Variants in RNLS observed in about 807,000 individuals in gnomAD.
RNLS encodes the protein renalase.
A neutral mutation model predicts 39.8 loss-of-function variants in RNLS; 39 were observed. The observed-to-expected ratio is 0.98, with a 90% confidence interval of 0.76 to 1.28. RNLS has a LOEUF of 1.28. RNLS is among the 50% of genes most tolerant of loss of function. The pLI, the probability that RNLS is intolerant of heterozygous loss-of-function variation, is 0.00. For synonymous variants in RNLS, 147 were observed against 150.7 expected (o/e 0.98, Z 0.18); for missense variants, 410 against 413.3 (o/e 0.99, Z 0.07).
intron 4 of RNLS, among the ~76,000 whole-genome samples, chr10:88,435,677 A>G (rs540694111): frequency 4.0e-4 from 61 of 152,278 alleles, no homozygotes; most frequent in African/African-American, 1.4e-3. Context: ...AAAGGGACAC[A>G]GCTGCAGGGC....
At chr10:88,227,441 G>A in the RNLS span, among the ~76,000 whole-genome samples, 2 of 152,182 alleles carry the variant, frequency 1.3e-5, no homozygotes, top group African/African-American at 2.4e-5. Flanking sequence ...CTATGGTAGC[G>A]ATGAACCCAG....
At chr10:88,516,600 T>C (rs2134176568) in intron 4 of RNLS, among the ~76,000 whole-genome samples, 1 of 152,134 alleles carries the variant, frequency 6.6e-6, no homozygotes, top group Middle Eastern at 3.4e-3. Flanking sequence ...AAGAAGTCCC[T>C]AAAATTTCTA....
chr10:88,264,493 A>AT, the RNLS span, among the ~76,000 whole-genome samples: 14,029 of 151,932 alleles, frequency 0.092, 864 homozygotes, highest in East Asian at 0.21. Context: ...TTATTTTTTG[A>AT]TTTTTTGATT....
chr10:88,209,837 C>T, the RNLS span, among the ~76,000 whole-genome samples: 1 of 152,210 alleles, frequency 6.6e-6, no homozygotes, highest in Non-Finnish European at 1.5e-5. Context: ...TATGCATTAT[C>T]TCATTGATCC....
At chr10:88,459,890 A>G (rs1024059113) in intron 4 of RNLS, among the ~76,000 whole-genome samples, 5 of 152,210 alleles carry the variant, frequency 3.3e-5, no homozygotes, top group Non-Finnish European at 4.4e-5. Flanking sequence ...TGAATTCCCT[A>G]CAATTCACAG....
intron 4 of RNLS, among the ~76,000 whole-genome samples, chr10:88,558,557 A>G (rs149459674): frequency 6.6e-5 from 10 of 152,238 alleles, no homozygotes; most frequent in African/African-American, 2.4e-4. Flanking sequence ...TAATAACTGC[A>G]ATAACAGAAG....
chr10:88,208,623 A>G, the RNLS span, among the ~76,000 whole-genome samples: 3 of 152,154 alleles, frequency 2.0e-5, no homozygotes, highest in Admixed American at 6.6e-5. Context: ...AAAAATTGCC[A>G]TCTCCAATGG....
chr10:88,182,122 A>G, the RNLS span, among the ~76,000 whole-genome samples: 3 of 152,148 alleles, frequency 2.0e-5, no homozygotes, highest in Admixed American at 6.6e-5. Context: ...CTCTCTCCAT[A>G]TACATTAGAG....
chr10:88,487,152 C>A (rs966812514), intron 4 of RNLS, among the ~76,000 whole-genome samples: 2 of 152,058 alleles, frequency 1.3e-5, no homozygotes, highest in East Asian at 1.9e-4. Flanking sequence ...AGCTAAATGA[C>A]GCAAATTCAC....
chr10:88,208,143 ACT>A, the RNLS span, among the ~76,000 whole-genome samples: 5 of 151,254 alleles, frequency 3.3e-5, no homozygotes, highest in African/African-American at 7.3e-5. Context: ...TCATGGCACC[ACT>A]CTCTATTTAG....
At chr10:88,475,292 GT>G (rs1843748881) in intron 4 of RNLS, among the ~76,000 whole-genome samples, 1 of 152,130 alleles carries the variant, frequency 6.6e-6, no homozygotes, top group Admixed American at 6.6e-5. Context: ...CCGCTTTAAT[GT>G]TATCAAACTC....
the RNLS span, among the ~76,000 whole-genome samples, chr10:88,179,044 G>A: frequency 6.6e-6 from 1 of 152,152 alleles, no homozygotes; most frequent in South Asian, 2.1e-4. Flanking sequence ...AGAGTGAGAT[G>A]TCATCTCTAA....
intron 4 of RNLS, among the ~76,000 whole-genome samples, chr10:88,413,421 T>C (rs762991007): frequency 1.3e-5 from 2 of 152,186 alleles, no homozygotes; most frequent in East Asian, 1.9e-4. Flanking sequence ...ACTGTGAAAA[T>C]AGCAAAGGAC....
chr10:88,350,116 TC>T (rs920863502), intron 5 of RNLS, among the ~76,000 whole-genome samples: 10 of 152,122 alleles, frequency 6.6e-5, no homozygotes, highest in Non-Finnish European at 1.5e-4. Flanking sequence ...TCTCTCCTTT[TC>T]CCTTCTTCTC....
the RNLS span, among the ~76,000 whole-genome samples, chr10:88,231,492 A>G: frequency 1.5e-3 from 229 of 152,232 alleles, 1 homozygote; most frequent in African/African-American, 5.2e-3. Flanking sequence ...GGAAACGTAT[A>G]CACTTTCTGG....
intron 4 of RNLS, among the ~76,000 whole-genome samples, chr10:88,460,274 G>C (rs1833332031): frequency 6.6e-6 from 1 of 152,084 alleles, no homozygotes; most frequent in South Asian, 2.1e-4. Context: ...CTGTTTTCTT[G>C]CTTGTTAAAT....
chr10:88,442,999 A>G (rs1246995626), intron 4 of RNLS, among the ~76,000 whole-genome samples: 2 of 152,166 alleles, frequency 1.3e-5, no homozygotes, highest in African/African-American at 4.8e-5. Context: ...AAGTATTTTC[A>G]CAATTGCTCA....
intron 4 of RNLS, among the ~76,000 whole-genome samples, chr10:88,422,675 A>G (rs1854477126): frequency 6.6e-6 from 1 of 152,162 alleles, no homozygotes; most frequent in South Asian, 2.1e-4. Context: ...AAAAGATAAG[A>G]TTAAGAAAAA....
chr10:88,359,650 G>T (rs1589644944), intron 5 of RNLS, among the ~76,000 whole-genome samples: 1 of 152,204 alleles, frequency 6.6e-6, no homozygotes, highest in Non-Finnish European at 1.5e-5. Flanking sequence ...TCCAATTCAT[G>T]TAGCCACTCC....
Sources: allele counts gnomAD v4.1 joint callset (sites outside exome capture counted in the v4.1 genomes callset), GRCh38; gene constraint gnomAD v4.1.1; transcripts MANE v1.5; gene names NCBI Gene and HGNC (gene_info 2026-07-23, HGNC 2026-07-21).